Variants in TNIP3 observed in about 807,000 individuals in gnomAD.
The protein encoded by TNIP3 is TNFAIP3 interacting protein 3.
Under a neutral mutation model 54.1 loss-of-function variants are expected in TNIP3, and 34 were observed. The ratio of observed to expected loss-of-function variants is 0.63; its 90% CI spans 0.48 to 0.84. The LOEUF (loss-of-function observed/expected upper bound fraction) is 0.84. Ranked by LOEUF, TNIP3 falls within the 40% of genes least tolerant of loss-of-function variation. The probability of loss-of-function intolerance (pLI) is 0.00; values close to 1 mark genes in which losing one functional copy is unlikely to be tolerated. For missense variants in TNIP3, 366 were observed against 387.6 expected, an observed-to-expected ratio of 0.94 and a Z score of 0.47; for synonymous variants, 134 against 136.8, an observed-to-expected ratio of 0.98 and a Z score of 0.14.
rs1724495656 is a variant in TNIP3, at chr4:121,178,562, AGAAACAAG to A, written c.189+4106_189+4113del. Among the ~76,000 whole-genome samples, 5 of 152,212 alleles carry A rather than the reference AGAAACAAG, an allele frequency of 3.3e-5. No individual in the cohort carries two copies. In the South Asian group the frequency reaches 1.0e-3, roughly 31 times the overall value. On this transcript the variant is annotated intron_variant, in intron 3 of 12. Transcript: ENST00000507879. ...CCTAAGAGTGGTACAGCAAACTTTG[AGAAACAAG>A]GACAGTTTGAGCACCTGAAAACTTT...
intron 2 of TNIP3, among the ~76,000 whole-genome samples, chr4:121,200,527 G>A (rs1039909644): frequency 3.7e-4 from 56 of 152,062 alleles, no homozygotes; most frequent in Admixed American, 1.4e-3. Flanking sequence ...GATTCATAGA[G>A]ACCCCCGAGC....
chr4:121,216,584 A>G lies in TNIP3; in HGVS notation c.-19+2T>C. The G allele has an allele frequency of 2.0e-6, 3 of 1,509,542 alleles. No individual in the cohort carries two copies. Among genetic ancestry groups the G allele is most frequent in the Non-Finnish European group, 1.8e-6 (2 of 1,136,118 alleles). The allele number at this position is 1,509,542 out of a possible 1,614,324, so 93.5% of individuals were successfully genotyped here. A position where few individuals can be genotyped will look rare whatever the true frequency, so the allele number is the denominator to read the frequency against. On this transcript the variant is annotated splice_donor_variant, in intron 1 of 12. Coordinates refer to the TNIP3 transcript ENST00000507879. LOFTEE classifies it low-confidence loss of function (5UTR_SPLICE). Reference sequence around the variant, plus strand: ...ATGTCAGTCACCAAAGGAGAAAACCACCTGTTAAATGCATTTTTCATCAAA... The same window carrying G: ...ATGTCAGTCACCAAAGGAGAAAACCGCCTGTTAAATGCATTTTTCATCAAA...
intron 5 of TNIP3, among the ~76,000 whole-genome samples, chr4:121,152,332 C>T (rs1199579595): frequency 1.3e-5 from 2 of 152,064 alleles, no homozygotes; most frequent in Non-Finnish European, 2.9e-5. Context: ...ACATTAGGTA[C>T]CAAAACCCAT....
upstream of TNIP3, among the ~76,000 whole-genome samples, chr4:121,164,608 G>C (rs1237880451): frequency 1.3e-5 from 2 of 152,102 alleles, no homozygotes; most frequent in African/African-American, 2.4e-5. Context: ...TTGACAGCTC[G>C]GTTTCCCTAA....
At chr4:121,173,515 T>A (rs1243264195) in intron 3 of TNIP3, among the ~76,000 whole-genome samples, 1 of 152,212 alleles carries the variant, frequency 6.6e-6, no homozygotes, top group Admixed American at 6.5e-5. Flanking sequence ...TTGAGTTTTT[T>A]TTTAAAAATT....
At chr4:121,199,149 TCAAAACAAAAAACAAAG>T (rs1283904649) in intron 2 of TNIP3, among the ~76,000 whole-genome samples, 3 of 151,976 alleles carry the variant, frequency 2.0e-5, no homozygotes, top group African/African-American at 4.8e-5. Context: ...GATAGATAAT[TCAAAACAAAAAACAAAG>T]CAAAACAAAA....
At chr4:121,145,352 C>T (rs1379790821) in intron 7 of TNIP3, among the ~76,000 whole-genome samples, 1 of 152,114 alleles carries the variant, frequency 6.6e-6, no homozygotes, top group Non-Finnish European at 1.5e-5. Context: ...TAGCTTTAAT[C>T]TATCACTTTA....
intron 10 of TNIP3, among the ~76,000 whole-genome samples, chr4:121,135,406 T>G (rs1045735971): frequency 6.6e-6 from 1 of 152,148 alleles, no homozygotes; most frequent in African/African-American, 2.4e-5. Context: ...TTTTATTTTT[T>G]TTTATTTTTG....
chr4:121,141,258 A>C (rs1729101093), intron 9 of TNIP3, among the ~76,000 whole-genome samples: 1 of 152,210 alleles, frequency 6.6e-6, no homozygotes, highest in Non-Finnish European at 1.5e-5. Flanking sequence ...TGACTGTCCA[A>C]ATCAATTCCC....
At chr4:121,167,661 A>G (rs1730838997), upstream of TNIP3, among the ~76,000 whole-genome samples, 1 of 152,234 alleles carries the variant, frequency 6.6e-6, no homozygotes, top group Admixed American at 6.5e-5. Flanking sequence ...CCTTTGGGCA[A>G]AGGAATTACA....
At chr4:121,163,638 A>C (rs80301007) in intron 1 of TNIP3, among the ~76,000 whole-genome samples, 7,852 of 152,284 alleles carry the variant, frequency 0.052, 320 homozygotes, top group African/African-American at 0.11. Flanking sequence ...AAACTAGAAA[A>C]TATTTGAATT....
At chr4:121,200,391 T>C (rs1725817969) in intron 2 of TNIP3, among the ~76,000 whole-genome samples, 1 of 152,158 alleles carries the variant, frequency 6.6e-6, no homozygotes, top group African/African-American at 2.4e-5. Flanking sequence ...TTAGACACAA[T>C]GTCTCAAAAC....
At chr4:121,167,402 T>C (rs565126151), upstream of TNIP3, among the ~76,000 whole-genome samples, 2 of 152,144 alleles carry the variant, frequency 1.3e-5, no homozygotes, top group South Asian at 2.1e-4. Flanking sequence ...TCAGAGTTTC[T>C]GCTGGGCCTT....
At chr4:121,220,831 C>T (rs1375090063), upstream of TNIP3, among the ~76,000 whole-genome samples, 1 of 151,992 alleles carries the variant, frequency 6.6e-6, no homozygotes, top group Non-Finnish European at 1.5e-5. Flanking sequence ...CAGCAGGATT[C>T]GTTCCTGCTG....
intron 9 of TNIP3, among the ~76,000 whole-genome samples, chr4:121,139,016 A>C (rs1337467331): frequency 2.6e-5 from 4 of 152,222 alleles, no homozygotes; most frequent in African/African-American, 9.6e-5. Flanking sequence ...CAATAAAACA[A>C]AGCAACTTAG....
intron 1 of TNIP3, among the ~76,000 whole-genome samples, chr4:121,226,356 C>G (rs1204297882): frequency 6.6e-6 from 1 of 152,172 alleles, no homozygotes. Flanking sequence ...CATTAAAATT[C>G]TGATATAAAA....
intron 2 of TNIP3, among the ~76,000 whole-genome samples, chr4:121,206,538 T>TATTGTGTGTGTGTGTGTGTGTG (rs1553937288): frequency 5.3e-5 from 8 of 151,472 alleles, no homozygotes; most frequent in African/African-American, 1.9e-4. Flanking sequence ...TTTGTATATA[T>TATTGTGTGTGTGTGTGTGTGTG]TGTGTGTGTG....
intron 2 of TNIP3, among the ~76,000 whole-genome samples, chr4:121,202,170 C>T (rs183826254): frequency 1.6e-4 from 25 of 152,190 alleles, no homozygotes; most frequent in East Asian, 5.8e-4. Flanking sequence ...CACTATAAGG[C>T]CATAGTGACC....
chr4:121,156,915 A>G lies in TNIP3; in HGVS notation c.363+179T>C, dbSNP rs183823652. On this transcript the variant is annotated intron_variant, in intron 4 of 10. Transcript: ENST00000057513. The stretch of plus-strand genomic sequence containing the variant: ...AGAGAATCTCCTTCCTTCTTATTCT[A>G]GAGAAGTGACCCTTGTTCATGGCTC... 6.1e-4 allele frequency among the ~76,000 whole-genome samples: 93 copies of G among 152,280 alleles called. No homozygotes were observed. In the East Asian group the frequency reaches 0.013, roughly 22 times the overall value.
Sources: gnomAD v4.1 joint callset for allele counts (sites outside exome capture counted in the v4.1 genomes callset) on GRCh38, gnomAD v4.1.1 for gene constraint, MANE v1.5 for transcripts, NCBI Gene and HGNC (gene_info 2026-07-23, HGNC 2026-07-21) for gene names.